The following ENOX1 variants were observed in gnomAD, a reference collection of about 807,000 sequenced individuals.
The protein encoded by ENOX1 is candidate growth-related and time keeping constitutive hydroquinone (NADH) oxidase.
A neutral mutation model predicts 82.5 loss-of-function variants in ENOX1; 42 were observed. The observed-to-expected ratio is 0.51, with a 90% confidence interval of 0.40 to 0.66. ENOX1 has a LOEUF of 0.66. Among genes scored for constraint, ENOX1 ranks in the 30% least tolerant of loss-of-function variants. ENOX1 has a pLI of 0.00. For missense variants in ENOX1, 608 were observed against 811.6 expected (o/e 0.75, Z 3.05); for synonymous variants, 271 against 282.2 (o/e 0.96, Z 0.40).
chr13:43,490,200 C>A (rs141779890), intron 2 of ENOX1, among the ~76,000 whole-genome samples: 2,078 of 152,292 alleles, frequency 0.014, 39 homozygotes, highest in African/African-American at 0.046. Context: ...CCTCGGCCTC[C>A]CAAAGTGCTG....
At chr13:43,493,724 G>C (rs1028551626) in intron 2 of ENOX1, among the ~76,000 whole-genome samples, 3 of 152,210 alleles carry the variant, frequency 2.0e-5, no homozygotes, top group Admixed American at 2.0e-4. Flanking sequence ...AGTCCATCTG[G>C]GTTTCCCTTT....
chr13:43,335,951 TA>T (rs2048684257), intron 9 of ENOX1, among the ~76,000 whole-genome samples: 1 of 152,166 alleles, frequency 6.6e-6, no homozygotes, highest in Non-Finnish European at 1.5e-5. Context: ...GGTATTTTTT[TA>T]AATGGAAATA....
At chr13:43,782,337 T>G (rs1952322840) in intron 1 of ENOX1, among the ~76,000 whole-genome samples, 1 of 152,188 alleles carries the variant, frequency 6.6e-6, no homozygotes, top group Non-Finnish European at 1.5e-5. Context: ...AAATTCAGAT[T>G]AATCCTAGTG....
chr13:43,541,434 G>A (rs910163566), intron 2 of ENOX1, among the ~76,000 whole-genome samples: 3 of 151,996 alleles, frequency 2.0e-5, no homozygotes, highest in Non-Finnish European at 2.9e-5. Flanking sequence ...CCAGCAATTC[G>A]AGGCTGCAGT....
chr13:43,671,632 C>G (rs2085271990), intron 1 of ENOX1, among the ~76,000 whole-genome samples: 1 of 152,112 alleles, frequency 6.6e-6, no homozygotes. Context: ...TGATCACAGC[C>G]CACTACGATT....
chr13:43,492,336 C>A (rs1436296813), intron 2 of ENOX1, among the ~76,000 whole-genome samples: 1 of 152,126 alleles, frequency 6.6e-6, no homozygotes, highest in Admixed American at 6.6e-5. Flanking sequence ...TTGTGAGAGA[C>A]CCAGAGTTGG....
At chr13:43,237,803 A>T (rs537988756) in intron 14 of ENOX1, among the ~76,000 whole-genome samples, 4 of 152,368 alleles carry the variant, frequency 2.6e-5, no homozygotes, top group African/African-American at 7.2e-5. Context: ...ACCCGAAGGC[A>T]TTCAAAGAAA....
At chr13:43,314,722 T>C (rs902218477) in intron 11 of ENOX1, among the ~76,000 whole-genome samples, 1 of 152,158 alleles carries the variant, frequency 6.6e-6, no homozygotes, top group African/African-American at 2.4e-5. Context: ...GATGGAGAGG[T>C]AGAGAAGAAA....
At chr13:43,214,187 G>A in intron 16 of ENOX1, 66 bp from the exon 17 acceptor site, 2 of 1,532,074 alleles carry the variant, frequency 1.3e-6, no homozygotes, top group Non-Finnish European at 1.8e-6. Context: ...ATGGATTGGG[G>A]AAGGATGAGC....
intron 3 of ENOX1, among the ~76,000 whole-genome samples, chr13:43,445,268 C>A (rs537995804): frequency 2.6e-5 from 4 of 151,966 alleles, no homozygotes; most frequent in African/African-American, 9.6e-5. Context: ...GGACTACAGG[C>A]ACCCACCACC....
At chr13:43,698,541 A>G (rs1456690351) in intron 1 of ENOX1, among the ~76,000 whole-genome samples, 2 of 152,228 alleles carry the variant, frequency 1.3e-5, no homozygotes, top group Non-Finnish European at 2.9e-5. Flanking sequence ...CATATTATAG[A>G]AAGGCATCTT....
intron 3 of ENOX1, among the ~76,000 whole-genome samples, chr13:43,460,793 C>CAAAAAAAAAAAAA (rs1312983530): frequency 1.6e-4 from 4 of 25,726 alleles, no homozygotes; most frequent in South Asian, 2.2e-3. Flanking sequence ...GACTCCATCT[C>CAAAAAAAAAAAAA]AAAAAAAAAA....
At chr13:43,362,482 T>C (rs1396124886) in intron 5 of ENOX1, among the ~76,000 whole-genome samples, 1 of 152,126 alleles carries the variant, frequency 6.6e-6, no homozygotes, top group Admixed American at 6.5e-5. Context: ...TTCCTTCTTG[T>C]CTCATACCAT....
chr13:43,590,295 A>G (rs1341127686), intron 2 of ENOX1, among the ~76,000 whole-genome samples: 2 of 149,204 alleles, frequency 1.3e-5, no homozygotes, highest in Admixed American at 6.6e-5. Context: ...GCAACCCCAG[A>G]TTGCAGCATA....
chr13:43,725,104 A>T (rs1321609228), intron 1 of ENOX1, among the ~76,000 whole-genome samples: 1 of 152,152 alleles, frequency 6.6e-6, no homozygotes, highest in Admixed American at 6.5e-5. Context: ...TATATGTCTC[A>T]CTTTCCTTGA....
At chr13:43,667,958 T>C (rs1006800906) in intron 1 of ENOX1, among the ~76,000 whole-genome samples, 1 of 152,204 alleles carries the variant, frequency 6.6e-6, no homozygotes, top group African/African-American at 2.4e-5. Context: ...TTTTAGGGGT[T>C]GACTGGTATC....
chr13:43,398,402 C>T (rs931952596), intron 5 of ENOX1, among the ~76,000 whole-genome samples: 7 of 152,110 alleles, frequency 4.6e-5, no homozygotes, highest in African/African-American at 1.4e-4. Context: ...ACCTGGGGTG[C>T]TTCAGGGACT....
chr13:43,654,196 TA>T (rs1330586143), intron 2 of ENOX1, among the ~76,000 whole-genome samples: 1 of 152,112 alleles, frequency 6.6e-6, no homozygotes, highest in Admixed American at 6.6e-5. Flanking sequence ...GTGAAGGCCT[TA>T]AGAGCAAAAA....
rs141563278 is a variant in ENOX1, at chr13:43,314,365, T to C, written c.1261+8019A>G. The stretch of plus-strand genomic sequence containing the variant: ...GGGAAGGAAGTACTTACTTTTTAAA[T>C]TAGTTATGTGGCTCTTAACTACCTA... On this transcript the variant is annotated intron_variant, in intron 11 of 16. Coordinates refer to ENST00000690772, the MANE Select transcript of ENOX1 (RefSeq NM_001347969.2). Among the ~76,000 whole-genome samples the C allele has an allele frequency of 1.5e-3, 234 of 152,346 alleles. 2 individuals carry two copies. The highest frequency in any genetic ancestry group is 5.3e-3 in the African/African-American group (221 of 41,576).
Sources: gnomAD v4.1 joint callset for allele counts (sites outside exome capture counted in the v4.1 genomes callset) on GRCh38, gnomAD v4.1.1 for gene constraint, MANE v1.5 for transcripts, NCBI Gene and HGNC (gene_info 2026-07-23, HGNC 2026-07-21) for gene names.